ACAN: variants seen among roughly 807,000 people sequenced by gnomAD.
ACAN encodes the protein aggrecan core protein.
A neutral mutation model predicts 169.1 loss-of-function variants in ACAN; 47 were observed. The observed-to-expected ratio is 0.28, with a 90% CI of 0.22 to 0.35. The LOEUF (loss-of-function observed/expected upper bound fraction) is 0.35. Among genes scored for constraint, ACAN ranks in the 10% least tolerant of loss-of-function variants. The probability of loss-of-function intolerance (pLI) is 1.00; values close to 1 mark genes in which losing one functional copy is unlikely to be tolerated. For synonymous variants in ACAN, 1,115 were observed against 1,112.2 expected (o/e 1.00, Z -0.05); for missense variants, 2,716 against 2,759.9 (o/e 0.98, Z 0.36).
chr15:88,818,190 G>T (rs773913495), intron 1 of ACAN, among the ~76,000 whole-genome samples: 1 of 152,244 alleles, frequency 6.6e-6, no homozygotes, highest in Admixed American at 6.5e-5. Flanking sequence ...GGAGCCCACA[G>T]TCTAGGTAGG....
rs771233902 is a variant in ACAN, at chr15:88,849,797, G to A, written c.2026+66G>A. On this transcript the variant is annotated intron_variant, in intron 10 of 18. Coordinates refer to ENST00000560601, the MANE Select transcript of ACAN (RefSeq NM_001369268.1). The surrounding 1 kb of genome is among the most constrained non-coding windows in gnomAD (Gnocchi z 5.1). ...GGAGAGGACCCCACTGGGTTCACCG[G>A]ATCCTGCCACCACCCAGTATCCCAT... 1 of 1,565,286 alleles carries A rather than the reference G, an allele frequency of 6.4e-7. No homozygotes were observed. The highest frequency in any genetic ancestry group is 8.7e-7 in the Non-Finnish European group (1 of 1,152,318).
At chr15:88,840,318 G>T (rs1334689255) in intron 4 of ACAN, 132 bp downstream of exon 4, 2 of 1,179,678 alleles carry the variant, frequency 1.7e-6, no homozygotes, top group Non-Finnish European at 2.3e-6. Context: ...TAGGTTAGAG[G>T]CCGTGGTCAC....
intron 11 of ACAN, among the ~76,000 whole-genome samples, chr15:88,854,304 C>T (rs1214336862): frequency 6.6e-6 from 1 of 152,162 alleles, no homozygotes; most frequent in Non-Finnish European, 1.5e-5. Context: ...CCCAGAGTTG[C>T]TGAATCAGTG....
Position 88,843,758 on chromosome 15 carries a change from C to T in ACAN, c.1051+110C>T, listed in dbSNP as rs530172894. 2.6e-4 allele frequency: 346 copies of T among 1,355,740 alleles called. No individual in the cohort carries two copies. Among genetic ancestry groups the T allele is most frequent in the East Asian group, 1.1e-3 (46 of 42,324 alleles). 84.0% of individuals were successfully genotyped at this position (1,355,740 alleles called of 1,614,324 possible). On this transcript the variant is annotated intron_variant, in intron 6 of 18. Transcript: ENST00000560601. This position sits in a 1 kb window ranked among gnomAD's most constrained non-coding sequence, Gnocchi z 4.0. ...TTGGTTTTTGCCCTTGAAGGGGCCA[C>T]GGGGTACCTGAACCCCATGTTTTTA... is the stretch of plus-strand genomic sequence containing the variant.
rs374434189 is a variant in ACAN, at chr15:88,859,210, C to T, written c.6625C>T (p.Leu2209=). ...SGDLSGHTSQ[L]GVVISTSIPE... is the part of the protein sequence containing the mutation. ...AGACCTGTCTGGTCACACCTCGCAG[C>T]TGGGCGTTGTCATCAGCACCAGCAT... Residue 2209 remains leucine, a synonymous_variant, in exon 12 of 19, where the codon CTG becomes TTG. Transcript: ENST00000560601. 86 of 1,613,800 alleles carry T rather than the reference C, an allele frequency of 5.3e-5. No individual in the cohort carries two copies. The highest frequency in any genetic ancestry group is 7.1e-5 in the Non-Finnish European group (84 of 1,179,906).
intron 4 of ACAN, among the ~76,000 whole-genome samples, chr15:88,840,954 C>T (rs544024275): frequency 2.0e-5 from 3 of 152,136 alleles, no homozygotes; most frequent in South Asian, 2.1e-4. Context: ...ACCATCCTAG[C>T]TAACATGGTG....
At position 88,861,995 on chromosome 15, in the gene ACAN, A is replaced by G. The variant is rs1468041608; in HGVS notation, c.6946+1556A>G. ...ACCCCCATTTGAGACTGGAACTCAG[A>G]GGAGTTAAGTAATTTGCCTAACTAT... On this transcript the variant is annotated intron_variant, in intron 13 of 18. Coordinates refer to ENST00000560601, the MANE Select transcript of ACAN (RefSeq NM_001369268.1). The surrounding 1 kb of genome is among the most constrained non-coding windows in gnomAD (Gnocchi z 6.3). Among the ~76,000 whole-genome samples, 1 of 152,214 alleles carries G rather than the reference A, an allele frequency of 6.6e-6. No individual in the cohort carries two copies. The highest frequency in any genetic ancestry group is 1.5e-5 in the Non-Finnish European group (1 of 68,044).
intron 13 of ACAN, among the ~76,000 whole-genome samples, chr15:88,865,305 C>G (rs1315847926): frequency 6.6e-6 from 1 of 152,136 alleles, no homozygotes; most frequent in East Asian, 1.9e-4. Flanking sequence ...TCCAGTGTCT[C>G]TCTCCCTCCA....
In ACAN at chr15:88,807,747, AGTGT is replaced by A. The variant is rs33937048; in HGVS notation, c.-8+3974_-8+3977del. Among the ~76,000 whole-genome samples, 237 of 142,086 alleles carry A rather than the reference AGTGT, an allele frequency of 1.7e-3. No homozygotes were observed. Among genetic ancestry groups the A allele is most frequent in the South Asian group, 4.2e-3 (18 of 4,284 alleles). 93.2% of individuals were successfully genotyped at this position (142,086 alleles called of 152,430 possible). A position where few individuals can be genotyped will look rare whatever the true frequency, so the allele number is the denominator to read the frequency against. On this transcript the variant is annotated intron_variant, in intron 1 of 18. Coordinates refer to ENST00000560601, the MANE Select transcript of ACAN (RefSeq NM_001369268.1). The surrounding 1 kb of genome is among the most constrained non-coding windows in gnomAD (Gnocchi z 4.0). The stretch of plus-strand genomic sequence containing the variant: ...CTCAGAGCCTCCTTATAAGTGGTGG[AGTGT>A]GTGTGTGTGTGTGTGTGTGTGTGTG...
intron 6 of ACAN, 136 bp from the exon 7 acceptor site, chr15:88,845,369 G>A: frequency 3.8e-6 from 5 of 1,316,940 alleles, no homozygotes; most frequent in Non-Finnish European, 5.1e-6. Context: ...GCTTGGCAAG[G>A]TGCCTGGCAC....
In ACAN at chr15:88,848,025, A is replaced by G. The variant is rs57669733; in HGVS notation, c.1719A>G (p.Val573=). Reference sequence around the variant, plus strand: ...AGACCTACGATGTCTACTGCTTTGTAGACAGACTTGAGGGTACAAGCCACA... The same window carrying G: ...AGACCTACGATGTCTACTGCTTTGTGGACAGACTTGAGGGTACAAGCCACA... ...STETYDVYCF[V]DRLEGEVFFA... Residue 573 remains valine, a synonymous_variant, in exon 9 of 19, where the codon GTA becomes GTG. Transcript: ENST00000560601. The G allele has an allele frequency of 5.3e-3, 8,595 of 1,613,770 alleles. 392 individuals carry two copies. In the African/African-American group the frequency reaches 0.1, roughly 19 times the overall value.
intron 1 of ACAN, among the ~76,000 whole-genome samples, chr15:88,818,956 A>T (rs1392205525): frequency 2.0e-5 from 3 of 152,230 alleles, no homozygotes; most frequent in Non-Finnish European, 4.4e-5. Flanking sequence ...AACATAATCA[A>T]TTTTTTAAAG....
chr15:88,820,380 A>G (rs1017427896), intron 1 of ACAN, among the ~76,000 whole-genome samples: 3 of 152,154 alleles, frequency 2.0e-5, no homozygotes, highest in African/African-American at 4.8e-5. Flanking sequence ...TGAGGACTGT[A>G]GTTTCTCCCT....
intron 1 of ACAN, among the ~76,000 whole-genome samples, chr15:88,825,422 A>T (rs781025910): frequency 1.3e-5 from 2 of 152,160 alleles, no homozygotes; most frequent in Non-Finnish European, 2.9e-5. Flanking sequence ...CACCTATGAA[A>T]ATTCTGGCCA....
At chr15:88,819,154 G>A (rs780898222) in intron 1 of ACAN, among the ~76,000 whole-genome samples, 5 of 152,178 alleles carry the variant, frequency 3.3e-5, no homozygotes, top group Non-Finnish European at 7.3e-5. Context: ...CACACAGCCA[G>A]TACAGGCTGG....
intron 6 of ACAN, 66 bp from the exon 7 acceptor site, chr15:88,845,439 A>C (rs1596136572): frequency 6.5e-7 from 1 of 1,532,698 alleles, no homozygotes; most frequent in South Asian, 1.3e-5. Flanking sequence ...TCTCCAGCCC[A>C]CTCCTCATCC....
Position 88,858,968 on chromosome 15 carries a change from A to G in ACAN, c.6383A>G (p.Asp2128Gly). The change falls in exon 12 of 19, where the codon GAT (aspartate) becomes GGT (glycine). Residue 2128 changes from aspartate to glycine, a missense_variant. Coordinates refer to ENST00000560601, the MANE Select transcript of ACAN (RefSeq NM_001369268.1). This position sits in a 1 kb window ranked among gnomAD's most constrained non-coding sequence, Gnocchi z 4.0. ...EASREDSGSP[D>G]LSETTSAFHE... ...AGCAGAGAAGATTCTGGGTCCCCTGATCTGAGTGAAACCACCTCTGCATTC... is the reference window on the plus strand; with the variant it reads ...AGCAGAGAAGATTCTGGGTCCCCTGGTCTGAGTGAAACCACCTCTGCATTC... 1 of 1,613,538 alleles carries G rather than the reference A, an allele frequency of 6.2e-7. No individual in the cohort carries two copies. Among genetic ancestry groups the G allele is most frequent in the Non-Finnish European group, 8.5e-7 (1 of 1,179,554 alleles).
At chr15:88,821,836 G>C (rs1242279398) in intron 1 of ACAN, among the ~76,000 whole-genome samples, 1 of 152,106 alleles carries the variant, frequency 6.6e-6, no homozygotes, top group African/African-American at 2.4e-5. Context: ...TGCTAGAAGG[G>C]CTCACAGAAC....
chr15:88,826,374 C>CTTTTTTTT (rs59069149), intron 1 of ACAN, among the ~76,000 whole-genome samples: 2 of 111,588 alleles, frequency 1.8e-5, no homozygotes, highest in African/African-American at 7.1e-5. Flanking sequence ...CCTTTTTTTT[C>CTTTTTTTT]TTTTTTTTTT....
Sources: allele counts gnomAD v4.1 joint callset (sites outside exome capture counted in the v4.1 genomes callset), GRCh38; gene constraint gnomAD v4.1.1; non-coding constraint Gnocchi (gnomAD v3.1); transcripts MANE v1.5; gene names NCBI Gene and HGNC (gene_info 2026-07-23, HGNC 2026-07-21).